Variants in IFT88 observed in about 807,000 individuals in gnomAD.
IFT88 encodes intraflagellar transport protein 88 homolog.
Under a neutral mutation model 119.5 loss-of-function variants are expected in IFT88, and 74 were observed. The observed-to-expected ratio is 0.62, with a 90% confidence interval of 0.51 to 0.75. IFT88 has a LOEUF of 0.75. IFT88 is among the 30% of genes least tolerant of loss of function. The pLI is 0.00. For synonymous variants in IFT88, 279 were observed against 316.7 expected (o/e 0.88, Z 1.26); for missense variants, 961 against 977.7 (o/e 0.98, Z 0.23).
intron 4 of IFT88, among the ~76,000 whole-genome samples, chr13:20,590,172 GAA>G (rs2040417416): frequency 6.6e-6 from 1 of 152,064 alleles, no homozygotes; most frequent in African/African-American, 2.4e-5. Flanking sequence ...TATTTTATGT[GAA>G]GTTAGATTTT....
At chr13:20,687,907 G>A (rs753224376) in intron 24 of IFT88, among the ~76,000 whole-genome samples, 3 of 152,194 alleles carry the variant, frequency 2.0e-5, no homozygotes, top group Non-Finnish European at 4.4e-5. Context: ...GAGAACCTCA[G>A]ATTATAGACA....
chr13:20,621,999 C>A (rs1172286549), intron 14 of IFT88, among the ~76,000 whole-genome samples: 2 of 152,166 alleles, frequency 1.3e-5, no homozygotes, highest in Non-Finnish European at 2.9e-5. Context: ...AGTATGTTGG[C>A]TTTGCTGATT....
intron 24 of IFT88, among the ~76,000 whole-genome samples, chr13:20,686,979 C>T (rs955713310): frequency 7.8e-6 from 1 of 127,880 alleles, no homozygotes; most frequent in Non-Finnish European, 1.5e-5. Flanking sequence ...GCTGAGATTA[C>T]AGGCTCAGGC....
intron 10 of IFT88, 44 bp downstream of exon 10, chr13:20,598,797 G>T: frequency 8.8e-7 from 1 of 1,138,934 alleles, no homozygotes. Context: ...TAATTCTTTC[G>T]TAGTGTTAAT....
intron 24 of IFT88, among the ~76,000 whole-genome samples, chr13:20,684,985 T>C (rs975966107): frequency 6.6e-6 from 1 of 151,892 alleles, no homozygotes. Context: ...AGAAATAGAG[T>C]GCAGAGTGGG....
At chr13:20,586,098 T>C (rs973925487) in intron 3 of IFT88, among the ~76,000 whole-genome samples, 2 of 152,192 alleles carry the variant, frequency 1.3e-5, no homozygotes, top group Non-Finnish European at 2.9e-5. Context: ...TCAAAAGATC[T>C]TTAGAAATGA....
intron 24 of IFT88, among the ~76,000 whole-genome samples, chr13:20,682,456 G>A (rs188851809): frequency 6.4e-4 from 98 of 152,324 alleles, no homozygotes; most frequent in Admixed American, 2.0e-3. Flanking sequence ...CATGGCATAG[G>A]TAGGAATGCC....
At chr13:20,667,454 G>A (rs772834230) in intron 23 of IFT88, among the ~76,000 whole-genome samples, 13 of 152,194 alleles carry the variant, frequency 8.5e-5, no homozygotes, top group Non-Finnish European at 1.9e-4. Context: ...TCCCTGCCCA[G>A]TGTCCCTGAG....
At chr13:20,570,358 A>G (rs73163282) in intron 1 of IFT88, among the ~76,000 whole-genome samples, 33,475 of 152,092 alleles carry the variant, frequency 0.22, 4,334 homozygotes, top group Admixed American at 0.35. Flanking sequence ...TGATCCAGCA[A>G]TTCCTTTACT....
At chr13:20,588,652 G>A (rs551892251) in intron 3 of IFT88, among the ~76,000 whole-genome samples, 1 of 152,166 alleles carries the variant, frequency 6.6e-6, no homozygotes, top group Non-Finnish European at 1.5e-5. Context: ...GCCAATGGCT[G>A]TCTTATCAGA....
intron 9 of IFT88, 76 bp downstream of exon 9, chr13:20,597,195 T>A (rs916449998): frequency 2.9e-6 from 2 of 690,008 alleles, no homozygotes. Context: ...CTTTTTTCTT[T>A]TATTTTTAAA....
chr13:20,687,162 GA>G (rs2058031187), intron 24 of IFT88, among the ~76,000 whole-genome samples: 1 of 151,832 alleles, frequency 6.6e-6, no homozygotes. Context: ...CCACCAACTA[GA>G]AATGTGTTAA....
At chr13:20,598,072 G>A (rs1487720779) in intron 9 of IFT88, among the ~76,000 whole-genome samples, 1 of 152,076 alleles carries the variant, frequency 6.6e-6, no homozygotes, top group Non-Finnish European at 1.5e-5. Flanking sequence ...GGTTTCATAT[G>A]CTAAACACAT....
chr13:20,616,762 A>G (rs1033526138), intron 14 of IFT88, among the ~76,000 whole-genome samples: 2 of 152,208 alleles, frequency 1.3e-5, no homozygotes, highest in South Asian at 2.1e-4. Context: ...CTGTGCTTTC[A>G]TAAGACTGAC....
At chr13:20,580,152 G>A (rs1214676784) in intron 2 of IFT88, among the ~76,000 whole-genome samples, 2 of 152,136 alleles carry the variant, frequency 1.3e-5, no homozygotes, top group Non-Finnish European at 2.9e-5. Flanking sequence ...ATCATAAGCA[G>A]TGTCTCATGA....
intron 11 of IFT88, among the ~76,000 whole-genome samples, chr13:20,601,086 C>A (rs2042518904): frequency 6.6e-6 from 1 of 152,142 alleles, no homozygotes; most frequent in African/African-American, 2.4e-5. Context: ...GACTAATGGG[C>A]CGGGCACGGT....
rs544075192 is a variant in IFT88 at position 20,580,540 on chromosome 13, A to T, written c.91-2417A>T. Among the ~76,000 whole-genome samples, 363 of 152,184 alleles carry T rather than the reference A, an allele frequency of 2.4e-3. 1 individual carries two copies. Among genetic ancestry groups the T allele is most frequent in the South Asian group, 0.017 (82 of 4,822 alleles). ...AGCAAGAGTCCCTCTCAAAAAAAAT[A>T]AAAAAACCTAAAGAAGTATTTTCTC... On this transcript the variant is annotated intron_variant, in intron 2 of 25. Coordinates refer to ENST00000351808, the MANE Select transcript of IFT88 (RefSeq NM_006531.5).
At chr13:20,662,537 C>G (rs571395958) in intron 22 of IFT88, among the ~76,000 whole-genome samples, 1 of 152,152 alleles carries the variant, frequency 6.6e-6, no homozygotes, top group Non-Finnish European at 1.5e-5. Context: ...TGATGAACAT[C>G]TATGTCTCTG....
At chr13:20,581,776 C>T (rs1344729732) in intron 2 of IFT88, among the ~76,000 whole-genome samples, 1 of 150,748 alleles carries the variant, frequency 6.6e-6, no homozygotes, top group Non-Finnish European at 1.5e-5. Context: ...TCACCTGAGC[C>T]TGGGAAGTTG....
Sources: allele counts gnomAD v4.1 joint callset (sites outside exome capture counted in the v4.1 genomes callset), GRCh38; gene constraint gnomAD v4.1.1; transcripts MANE v1.5; gene names NCBI Gene and HGNC (gene_info 2026-07-23, HGNC 2026-07-21).